SH3KBP1: variants seen among roughly 807,000 people sequenced by gnomAD.
SH3KBP1 encodes the protein SH3 domain containing kinase binding protein 1.
A neutral mutation model predicts 50.1 loss-of-function variants in SH3KBP1; 8 were observed. The observed-to-expected ratio is 0.16, with a 90% CI of 0.09 to 0.29. The LOEUF is 0.29. Among genes scored for constraint, SH3KBP1 ranks in the 10% least tolerant of loss-of-function variants. The probability of loss-of-function intolerance (pLI) is 1.00; values close to 1 mark genes in which losing one functional copy is unlikely to be tolerated. For missense variants in SH3KBP1, 377 were observed against 535.2 expected (o/e 0.70, Z 2.92); for synonymous variants, 227 against 218.6 (o/e 1.04, Z -0.34).
At chrX:19,713,218 A>G (rs1435675545) in intron 3 of SH3KBP1, among the ~76,000 whole-genome samples, 1 of 110,924 alleles carries the variant, frequency 9.0e-6, no homozygotes, top group Non-Finnish European at 1.9e-5. Flanking sequence ...CTCTGTCTCA[A>G]AAAAAACAAA....
intron 2 of SH3KBP1, among the ~76,000 whole-genome samples, chrX:19,752,922 G>A (rs1379273899): frequency 8.9e-6 from 1 of 111,764 alleles, no homozygotes; most frequent in Non-Finnish European, 1.9e-5. Flanking sequence ...ACCCTATGGA[G>A]TAGGTGAGCC....
intron 8 of SH3KBP1, among the ~76,000 whole-genome samples, chrX:19,628,700 A>G (rs1020367019): frequency 8.9e-6 from 1 of 112,130 alleles, no homozygotes; most frequent in African/African-American, 3.2e-5. Flanking sequence ...TAGAGCACAA[A>G]GGATTTTCTT....
chrX:19,588,371 C>T (rs925831040), intron 12 of SH3KBP1: 45 of 1,087,236 alleles, frequency 4.1e-5, no homozygotes, highest in Non-Finnish European at 5.2e-5. Context: ...AGGAAAAACC[C>T]CTGTGTGTGA....
At chrX:19,878,501 TGTGTGAGAGAGAGA>T (rs2069324383) in intron 1 of SH3KBP1, among the ~76,000 whole-genome samples, 1 of 79,666 alleles carries the variant, frequency 1.3e-5, no homozygotes, top group African/African-American at 8.0e-5. Context: ...TGTGTGTGTG[TGTGTGAGAGAGAGA>T]GAGAGAGAGA....
chrX:19,699,848 G>A (rs745640469), intron 4 of SH3KBP1, among the ~76,000 whole-genome samples: 56 of 111,677 alleles, frequency 5.0e-4, no homozygotes, highest in African/African-American at 1.7e-3. Context: ...AAAAGATGGC[G>A]TGCTCCCTGT....
chrX:19,627,649 C>T (rs1359087721), intron 8 of SH3KBP1, among the ~76,000 whole-genome samples: 1 of 112,137 alleles, frequency 8.9e-6, no homozygotes, highest in Non-Finnish European at 1.9e-5. Flanking sequence ...TGGGTCTTTG[C>T]ACATTATTTC....
At chrX:19,645,243 C>CA (rs1334326068) in intron 7 of SH3KBP1, among the ~76,000 whole-genome samples, 157 bp downstream of exon 7, 1 of 112,119 alleles carries the variant, frequency 8.9e-6, no homozygotes, top group Admixed American at 9.4e-5. Context: ...TGTGCCCACC[C>CA]TAATGGTGGG....
chrX:19,649,796 A>C (rs1441369505), intron 6 of SH3KBP1, among the ~76,000 whole-genome samples: 2 of 111,991 alleles, frequency 1.8e-5, no homozygotes, highest in African/African-American at 6.5e-5. Context: ...TTTCTCTGCC[A>C]AAATGAAGAA....
intron 16 of SH3KBP1, among the ~76,000 whole-genome samples, chrX:19,540,168 C>T (rs775532364): frequency 2.2e-4 from 25 of 111,159 alleles, no homozygotes; most frequent in African/African-American, 8.2e-4. Context: ...AAATGAGTAA[C>T]CTCCAGAGCC....
chrX:19,839,339 A>AC (rs1556412002), intron 1 of SH3KBP1, among the ~76,000 whole-genome samples: 316 of 100,626 alleles, frequency 3.1e-3, no homozygotes, highest in African/African-American at 0.011. Flanking sequence ...AAAAAACAAA[A>AC]TTTTTTTTTT....
At chrX:19,643,871 G>A (rs1293983960) in intron 7 of SH3KBP1, among the ~76,000 whole-genome samples, 1 of 111,813 alleles carries the variant, frequency 8.9e-6, no homozygotes, top group Admixed American at 9.5e-5. Flanking sequence ...CAATGCAGAT[G>A]ATGAAGAGGA....
intron 9 of SH3KBP1, among the ~76,000 whole-genome samples, chrX:19,596,685 T>G (rs952158434): frequency 4.5e-5 from 5 of 112,289 alleles, no homozygotes; most frequent in African/African-American, 1.3e-4. Context: ...TATGTAATAC[T>G]CTAAACCCGT....
At chrX:19,639,771 C>T (rs760781823) in intron 7 of SH3KBP1, among the ~76,000 whole-genome samples, 1 of 110,092 alleles carries the variant, frequency 9.1e-6, no homozygotes, top group South Asian at 3.9e-4. Context: ...TTGGATGTGC[C>T]CAAATCCCCA....
chrX:19,681,193 TGGATTAG>T (rs2063041688), intron 6 of SH3KBP1, among the ~76,000 whole-genome samples: 1 of 112,368 alleles, frequency 8.9e-6, no homozygotes, highest in African/African-American at 3.2e-5. Context: ...TTTTGGATTT[TGGATTAG>T]GGATGTTCAA....
chrX:19,626,382 G>GAA (rs2068019724), intron 8 of SH3KBP1, among the ~76,000 whole-genome samples: 2 of 99,406 alleles, frequency 2.0e-5, no homozygotes, highest in Non-Finnish European at 4.0e-5. Context: ...ATTCTTCGAT[G>GAA]TATGAATGAA....
chrX:19,604,848 G>A (rs1224680536), intron 9 of SH3KBP1, among the ~76,000 whole-genome samples: 2 of 112,196 alleles, frequency 1.8e-5, no homozygotes, highest in Non-Finnish European at 1.9e-5. Flanking sequence ...TAAATGTTAG[G>A]TTATACAATC....
intron 1 of SH3KBP1, 146 bp from the exon 2 acceptor site, chrX:19,836,428 A>C (rs1747896641): frequency 1.9e-6 from 1 of 523,907 alleles, no homozygotes; most frequent in Non-Finnish European, 3.1e-6. Context: ...ACAGTAACCC[A>C]ATTTTGGTTA....
chrX:19,744,912 A>T (rs1343245268), intron 3 of SH3KBP1, among the ~76,000 whole-genome samples: 1 of 112,619 alleles, frequency 8.9e-6, no homozygotes, highest in Admixed American at 9.4e-5. Context: ...AATTACTTTA[A>T]ATCTCTTACT....
chrX:19,745,291 A>G (rs915782129), intron 3 of SH3KBP1, among the ~76,000 whole-genome samples: 10 of 112,505 alleles, frequency 8.9e-5, no homozygotes, highest in Non-Finnish European at 7.5e-5. Flanking sequence ...CCAATATTTG[A>G]TCTGAATAAT....
Sources: gnomAD v4.1 joint callset for allele counts (sites outside exome capture counted in the v4.1 genomes callset) on GRCh38, gnomAD v4.1.1 for gene constraint, MANE v1.5 for transcripts, NCBI Gene and HGNC (gene_info 2026-07-23, HGNC 2026-07-21) for gene names.